Variants in TENM3 observed in about 807,000 individuals in gnomAD.
TENM3 encodes teneurin-3.
In TENM3, 63 loss-of-function variants were observed where a neutral mutation model predicts 255.1. The observed-to-expected ratio is 0.25, with a 90% CI of 0.20 to 0.30. The LOEUF (loss-of-function observed/expected upper bound fraction) is 0.30. Among genes scored for constraint, TENM3 ranks in the 10% least tolerant of loss-of-function variants. TENM3 has a pLI of 1.00. For synonymous variants in TENM3, 1,306 were observed against 1,322.3 expected (o/e 0.99, Z 0.27); for missense variants, 2,929 against 3,461.1 (o/e 0.85, Z 3.86).
rs1762936072 is a variant in TENM3 at position 182,319,704 on chromosome 4, T to C, written c.-75-4242T>C. Among the ~76,000 whole-genome samples the C allele has an allele frequency of 2.6e-5, 4 of 152,252 alleles. No homozygotes were observed. In the South Asian group the frequency reaches 8.3e-4, roughly 32 times the overall value. ...AAACTTTAGAAGTATTACCACAAAG[T>C]TGCATCTTTAATTGCTATTACTGTG... On this transcript the variant is annotated intron_variant, in intron 1 of 27. Coordinates refer to ENST00000511685, the MANE Select transcript of TENM3 (RefSeq NM_001080477.4).
At chr4:182,440,821 G>T (rs1316410252) in intron 3 of TENM3, among the ~76,000 whole-genome samples, 1 of 143,948 alleles carries the variant, frequency 6.9e-6, no homozygotes, top group Admixed American at 7.0e-5. Context: ...AGCTCTAGAG[G>T]TTTTTTTTTT....
At chr4:182,358,924 G>A (rs77337359) in intron 3 of TENM3, among the ~76,000 whole-genome samples, 25,013 of 150,538 alleles carry the variant, frequency 0.17, 2,283 homozygotes, top group Non-Finnish European at 0.19. Context: ...AGTTTTTAGC[G>A]TGAAGGGTTG....
intron 3 of TENM3, among the ~76,000 whole-genome samples, chr4:182,415,304 C>T (rs896801778): frequency 1.3e-4 from 19 of 151,996 alleles, no homozygotes; most frequent in African/African-American, 4.6e-4. Context: ...TTTCAAATGT[C>T]GGAAATGTGC....
At chr4:181,820,990 T>A in the TENM3 span, among the ~76,000 whole-genome samples, 1 of 152,204 alleles carries the variant, frequency 6.6e-6, no homozygotes, top group Admixed American at 6.5e-5. Flanking sequence ...CATGGTGTTA[T>A]CTTTATTTCA....
intron 12 of TENM3, among the ~76,000 whole-genome samples, chr4:182,689,276 G>A (rs1329695168): frequency 2.0e-5 from 3 of 152,072 alleles, no homozygotes; most frequent in African/African-American, 7.2e-5. Flanking sequence ...TCTGTTGTGG[G>A]GAGTGTCAGT....
chr4:182,790,794 A>G (rs1766043309), intron 25 of TENM3, among the ~76,000 whole-genome samples: 1 of 152,230 alleles, frequency 6.6e-6, no homozygotes. Context: ...ATACAAGCAC[A>G]ACCCTTAAAA....
chr4:182,470,751 G>A (rs1443519689), intron 3 of TENM3, among the ~76,000 whole-genome samples: 2 of 152,150 alleles, frequency 1.3e-5, no homozygotes, highest in African/African-American at 2.4e-5. Flanking sequence ...GGGAATGTGG[G>A]AATGGGTCTG....
At chr4:181,636,616 A>G in the TENM3 span, among the ~76,000 whole-genome samples, 1 of 152,024 alleles carries the variant, frequency 6.6e-6, no homozygotes, top group Admixed American at 6.6e-5. Flanking sequence ...TCTTGGCGCT[A>G]CCTTCTTGAT....
chr4:181,635,040 A>T, the TENM3 span, among the ~76,000 whole-genome samples: 1 of 152,158 alleles, frequency 6.6e-6, no homozygotes, highest in Non-Finnish European at 1.5e-5. Flanking sequence ...TGTGAGACCT[A>T]TCTCTGAAAA....
chr4:182,384,722 C>A (rs1295229701), intron 3 of TENM3, among the ~76,000 whole-genome samples: 2 of 152,106 alleles, frequency 1.3e-5, no homozygotes, highest in African/African-American at 2.4e-5. Context: ...CTTGTCTCTG[C>A]GATTTCCTGC....
intron 1 of TENM3, among the ~76,000 whole-genome samples, chr4:182,175,314 A>AAAAAAT (rs60217194): frequency 2.0e-4 from 23 of 117,586 alleles, no homozygotes; most frequent in African/African-American, 7.0e-4. Flanking sequence ...AAAAAAAAAA[A>AAAAAAT]ATATATATAT....
chr4:181,885,135 T>C, the TENM3 span, among the ~76,000 whole-genome samples: 4 of 152,208 alleles, frequency 2.6e-5, no homozygotes, highest in Non-Finnish European at 5.9e-5. Context: ...GTTGTATCTA[T>C]TTTCCCCTTG....
the TENM3 span, among the ~76,000 whole-genome samples, chr4:181,534,476 C>G: frequency 3.9e-5 from 6 of 151,906 alleles, no homozygotes; most frequent in Non-Finnish European, 8.8e-5. Flanking sequence ...TCCCCCCCCC[C>G]ACAGAAAAAT....
chr4:181,680,930 G>A, the TENM3 span, among the ~76,000 whole-genome samples: 75 of 152,076 alleles, frequency 4.9e-4, no homozygotes, highest in Non-Finnish European at 8.1e-4. Flanking sequence ...AGAGCCTATA[G>A]AAATTAGGAC....
At chr4:181,901,929 CT>C in the TENM3 span, among the ~76,000 whole-genome samples, 385 of 152,184 alleles carry the variant, frequency 2.5e-3, 5 homozygotes, top group East Asian at 0.036. Flanking sequence ...TCTTTTTCCC[CT>C]CTTCTGTAAT....
chr4:182,688,071 A>C, intron 11 of TENM3, 95 bp from the exon 12 acceptor site: 1 of 1,228,138 alleles, frequency 8.1e-7, no homozygotes, highest in Non-Finnish European at 1.1e-6. Context: ...TTTCCCTTGA[A>C]CAAATTTGTG....
At chr4:182,644,420 T>C (rs1297224089) in intron 5 of TENM3, among the ~76,000 whole-genome samples, 1 of 152,204 alleles carries the variant, frequency 6.6e-6, no homozygotes, top group African/African-American at 2.4e-5. Flanking sequence ...ATTTTTGGTT[T>C]CAAGTGTTCC....
intron 1 of TENM3, among the ~76,000 whole-genome samples, chr4:182,292,165 A>G (rs536345795): frequency 5.3e-5 from 8 of 152,294 alleles, no homozygotes; most frequent in Admixed American, 1.3e-4. Flanking sequence ...GAAAAATATG[A>G]TGCTATAAAG....
At chr4:182,538,824 G>A (rs1403792556) in intron 3 of TENM3, among the ~76,000 whole-genome samples, 2 of 152,064 alleles carry the variant, frequency 1.3e-5, no homozygotes, top group African/African-American at 2.4e-5. Context: ...TTGCAGGAAA[G>A]GATGGCTGGT....
Sources: allele counts gnomAD v4.1 joint callset (sites outside exome capture counted in the v4.1 genomes callset), GRCh38; gene constraint gnomAD v4.1.1; transcripts MANE v1.5; gene names NCBI Gene and HGNC (gene_info 2026-07-23, HGNC 2026-07-21).